Variants in SFTPD observed in about 807,000 individuals in gnomAD.
The protein encoded by SFTPD is surfactant protein D.
A neutral mutation model predicts 34.6 loss-of-function variants in SFTPD; 18 were observed. That is an observed-to-expected ratio of 0.52 (90% confidence interval 0.36 to 0.77). SFTPD has a LOEUF of 0.77. Among genes scored for constraint, SFTPD ranks in the 30% least tolerant of loss-of-function variants. The probability of loss-of-function intolerance (pLI) is 0.00; values close to 1 mark genes in which losing one functional copy is unlikely to be tolerated. For synonymous variants in SFTPD, 155 were observed against 180.9 expected (o/e 0.86, Z 1.15); for missense variants, 433 against 468.9 (o/e 0.92, Z 0.71).
chr10:79,962,133 T>G (rs1456562417), intron 1 of SFTPD, among the ~76,000 whole-genome samples: 1 of 103,206 alleles, frequency 9.7e-6, no homozygotes, highest in African/African-American at 3.9e-5. Context: ...CATCACACTG[T>G]GGGGACTGTT....
intron 1 of SFTPD, among the ~76,000 whole-genome samples, chr10:79,965,261 A>T (rs528835053): frequency 2.0e-5 from 3 of 152,222 alleles, no homozygotes; most frequent in South Asian, 4.1e-4. Context: ...TCCTTCTCTT[A>T]TTCGGACCTT....
Position 79,946,644 on chromosome 10 carries a change from G to A in SFTPD, c.16C>T (p.Leu6Phe), listed in dbSNP as rs1842668690. The A allele has an allele frequency of 1.9e-6, 3 of 1,614,166 alleles. No homozygotes were observed. Among genetic ancestry groups the A allele is most frequent in the Non-Finnish European group, 2.5e-6 (3 of 1,179,994 alleles). The stretch of plus-strand genomic sequence containing the variant: ...TGTGTGAGCAGGACCAGTGCAGAGA[G>A]GAGGAAGAGCAGCATGGCCTGGAGA... Reference protein sequence around the residue: MLLFLLSALVLLTQPL... With the variant: MLLFLFSALVLLTQPL... Residue 6 changes from leucine (L) to phenylalanine (F), a missense_variant, in exon 2 of 8, where the codon CTC (leucine) becomes TTC (phenylalanine). Leu to Phe is a conservative substitution (Grantham distance 22, BLOSUM62 0). Coordinates refer to ENST00000372292, the MANE Select transcript of SFTPD (RefSeq NM_003019.5).
At position 79,979,849 on chromosome 10, in the gene SFTPD, G is replaced by A. The variant is rs533903200; in HGVS notation, c.36+2726C>T. On this transcript the variant is annotated intron_variant, in intron 1 of 5. Coordinates refer to the SFTPD transcript ENST00000444384. ...GAAAGTGCTTGCCTCACTCCTCCCCGCCAACTCCAGGCAGTGCAGCTCACA... is the reference window on the plus strand; with the variant it reads ...GAAAGTGCTTGCCTCACTCCTCCCCACCAACTCCAGGCAGTGCAGCTCACA... Among the ~76,000 whole-genome samples the A allele has an allele frequency of 7.9e-5, 12 of 152,274 alleles. No individual in the cohort carries two copies. The East Asian group carries it at 1.5e-3, about 20-fold the overall frequency.
At position 79,940,690 on chromosome 10, in the gene SFTPD, G is replaced by T. The variant is rs1842601874; in HGVS notation, c.751+15C>A. The T allele has an allele frequency of 6.4e-7, 1 of 1,557,298 alleles. No homozygotes were observed. Among genetic ancestry groups the T allele is most frequent in the South Asian group, 1.1e-5 (1 of 89,716 alleles). ...AATGCCAGTGCTGGGTCCAGGTTCA[G>T]ATCCAGGAACTCACCTTTCTTATAC... On this transcript the variant is annotated intron_variant, in intron 7 of 7. Transcript: ENST00000372292.
At chr10:79,966,376 G>A (rs1320173676) in intron 1 of SFTPD, among the ~76,000 whole-genome samples, 1 of 66,102 alleles carries the variant, frequency 1.5e-5, no homozygotes, top group Non-Finnish European at 2.6e-5. Flanking sequence ...CTGCATAAAT[G>A]TCTTCTTTTG....
rs779609441 is a variant in SFTPD, at chr10:79,937,838, C to T, written c.*14G>A. ...ACTCCTGGGCCAAGCACTGCCCCAC[C>T]CACCCCAGTTGGCTCAGAACTCGCA... is the stretch of plus-strand genomic sequence containing the variant. On this transcript the variant is annotated 3_prime_UTR_variant, in exon 8 of 8. Transcript: ENST00000372292. The T allele has an allele frequency of 6.5e-7, 1 of 1,527,578 alleles. No homozygotes were observed. The highest frequency in any genetic ancestry group is 8.8e-7 in the Non-Finnish European group (1 of 1,133,992). The allele number at this position is 1,527,578 out of a possible 1,614,324, so 94.6% of individuals were successfully genotyped here.
upstream of SFTPD, among the ~76,000 whole-genome samples, chr10:79,949,733 C>G: frequency 6.6e-6 from 1 of 152,190 alleles, no homozygotes; most frequent in East Asian, 1.9e-4. Context: ...AGACCTCTGC[C>G]TTGCCTTGTT....
chr10:79,958,242 C>A (rs1026976250), intron 1 of SFTPD, among the ~76,000 whole-genome samples: 1 of 152,170 alleles, frequency 6.6e-6, no homozygotes. Flanking sequence ...ACTGCATCAA[C>A]TAACGAGCAA....
chr10:79,961,734 G>A (rs1268894195), intron 1 of SFTPD, among the ~76,000 whole-genome samples: 1 of 152,152 alleles, frequency 6.6e-6, no homozygotes, highest in East Asian at 1.9e-4. Context: ...AAGTCAGTGT[G>A]GTGATTCCTC....
intron 1 of SFTPD, among the ~76,000 whole-genome samples, chr10:79,958,283 C>A (rs1332277956): frequency 2.0e-5 from 3 of 152,120 alleles, no homozygotes; most frequent in Non-Finnish European, 4.4e-5. Flanking sequence ...ATGACAGGAC[C>A]AAATACACAC....
intron 1 of SFTPD, chr10:79,982,198 G>A (rs1003703331): frequency 2.0e-6 from 1 of 492,974 alleles, no homozygotes; most frequent in Non-Finnish European, 3.2e-6. Flanking sequence ...GCACGCGCAC[G>A]TACTGGGGCT....
intron 1 of SFTPD, among the ~76,000 whole-genome samples, chr10:79,965,062 C>T (rs1005870534): frequency 1.3e-5 from 2 of 152,132 alleles, no homozygotes; most frequent in Admixed American, 6.6e-5. Flanking sequence ...CCTCAATCTT[C>T]AGGAAAGGTA....
chr10:79,949,736 G>A (rs1015273375), upstream of SFTPD, among the ~76,000 whole-genome samples: 9 of 152,166 alleles, frequency 5.9e-5, no homozygotes, highest in African/African-American at 2.2e-4. Context: ...CCTCTGCCTT[G>A]CCTTGTTCAG....
rs1589344089 is a variant in SFTPD, at chr10:79,974,156, T to G, written c.36+8419A>C. Among the ~76,000 whole-genome samples, 6 of 152,166 alleles carry G rather than the reference T, an allele frequency of 3.9e-5. No individual in the cohort carries two copies. In the South Asian group the frequency reaches 1.2e-3, roughly 32 times the overall value. On this transcript the variant is annotated intron_variant, in intron 1 of 5. Coordinates refer to the SFTPD transcript ENST00000444384. Reference sequence around the variant, plus strand: ...TATTCTCAATTATACCCCCAGATATTTTTTATTTTTATTTATTTATTTTTT... The same window carrying G: ...TATTCTCAATTATACCCCCAGATATGTTTTATTTTTATTTATTTATTTTTT...
At chr10:79,940,634 C>T (rs943197310) in intron 7 of SFTPD, 71 bp downstream of exon 7, 3 of 1,061,154 alleles carry the variant, frequency 2.8e-6, no homozygotes, top group Non-Finnish European at 4.4e-6. Context: ...AGCCAAAGGC[C>T]AAACCAAGGT....
upstream of SFTPD, chr10:79,950,845 A>C (rs1842705710): frequency 6.6e-6 from 1 of 151,928 alleles, no homozygotes; most frequent in African/African-American, 2.4e-5. Context: ...ACTTTATGTA[A>C]TTCTATATTT....
At chr10:79,952,924 T>C (rs1589338212), upstream of SFTPD, among the ~76,000 whole-genome samples, 1 of 152,190 alleles carries the variant, frequency 6.6e-6, no homozygotes, top group Non-Finnish European at 1.5e-5. Context: ...CAGCAGTCCA[T>C]AGTCTGCCAC....
At position 79,942,498 on chromosome 10, in the gene SFTPD, G is replaced by A; in HGVS notation, c.323C>T (p.Pro108Leu). Residue 108 changes from proline to leucine, a missense_variant, in exon 4 of 8, where the codon CCA (proline) becomes CTA (leucine). Pro to Leu is a moderately conservative substitution (Grantham distance 98). Transcript: ENST00000372292. ...PKGDTGPSGP[P>L]GPPGVPGPAG... The stretch of plus-strand genomic sequence containing the variant: ...TGGACCAGGCACACCGGGAGGTCCT[G>A]GAGGTCCTGAGCAAAAGCACCAGCC... 1.2e-6 allele frequency: 2 copies of A among 1,610,292 alleles called. No individual in the cohort carries two copies. The highest frequency in any genetic ancestry group is 1.7e-6 in the Non-Finnish European group (2 of 1,176,634).
intron 1 of SFTPD, among the ~76,000 whole-genome samples, chr10:79,980,022 T>G (rs763347441): frequency 2.8e-4 from 43 of 152,300 alleles, no homozygotes; most frequent in Non-Finnish European, 4.6e-4. Flanking sequence ...ATCTTGGGCC[T>G]GAAGAAAACC....
Sources: gnomAD v4.1 joint callset for allele counts (sites outside exome capture counted in the v4.1 genomes callset) on GRCh38, gnomAD v4.1.1 for gene constraint, MANE v1.5 for transcripts, NCBI Gene and HGNC (gene_info 2026-07-23, HGNC 2026-07-21) for gene names.